GPC5: variants seen among roughly 807,000 people sequenced by gnomAD.
GPC5 encodes the protein glypican 5.
GPC5 carries 47 observed loss-of-function variants against 53.9 expected under a neutral mutation model. The observed-to-expected ratio is 0.87, with a 90% CI of 0.69 to 1.11. GPC5 has a LOEUF of 1.11. Ranked by LOEUF, GPC5 falls within the 50% of genes most tolerant of loss-of-function variation. The pLI is 0.00. For synonymous variants in GPC5, 286 were observed against 263.3 expected, an observed-to-expected ratio of 1.09 and a Z score of -0.84; for missense variants, 748 against 713.1, an observed-to-expected ratio of 1.05 and a Z score of -0.56.
intron 7 of GPC5, among the ~76,000 whole-genome samples, chr13:92,827,100 G>A (rs899333961): frequency 4.6e-5 from 7 of 152,036 alleles, no homozygotes; most frequent in Non-Finnish European, 7.4e-5. Context: ...AAAAGTCTTT[G>A]TAGATTTAAT....
At chr13:92,586,744 C>T (rs558749488) in intron 7 of GPC5, among the ~76,000 whole-genome samples, 5 of 152,140 alleles carry the variant, frequency 3.3e-5, no homozygotes, top group South Asian at 2.1e-4. Context: ...AGGAGAGAAA[C>T]GCAATTTCTC....
intron 1 of GPC5, among the ~76,000 whole-genome samples, chr13:91,445,523 C>T (rs914722468): frequency 2.6e-4 from 40 of 152,152 alleles, no homozygotes; most frequent in African/African-American, 9.2e-4. Context: ...CCCCCAGACT[C>T]GAGGGCAGTG....
intron 7 of GPC5, among the ~76,000 whole-genome samples, chr13:92,492,242 C>A (rs1311833433): frequency 1.3e-5 from 2 of 151,770 alleles, no homozygotes; most frequent in Non-Finnish European, 2.9e-5. Flanking sequence ...AAAATTAAGA[C>A]CATTTTGAAT....
chr13:92,682,181 C>T (rs1463486365), intron 7 of GPC5, among the ~76,000 whole-genome samples: 4 of 152,144 alleles, frequency 2.6e-5, no homozygotes, highest in African/African-American at 9.7e-5. Context: ...GTTTCCAGTT[C>T]CTATTCCTTT....
chr13:92,857,384 A>G (rs1207566521), intron 7 of GPC5, among the ~76,000 whole-genome samples: 1 of 152,180 alleles, frequency 6.6e-6, no homozygotes, highest in African/African-American at 2.4e-5. Flanking sequence ...AACATAGGAA[A>G]TACCCTTCTG....
chr13:92,810,544 AT>A (rs1244618358), intron 7 of GPC5, among the ~76,000 whole-genome samples: 1 of 151,746 alleles, frequency 6.6e-6, no homozygotes, highest in Admixed American at 6.6e-5. Flanking sequence ...GTTCCAAACC[AT>A]TTTTTACTGT....
chr13:91,847,088 G>A (rs1053409557), intron 5 of GPC5, among the ~76,000 whole-genome samples: 4 of 151,674 alleles, frequency 2.6e-5, no homozygotes, highest in Non-Finnish European at 2.9e-5. Flanking sequence ...GTGCGGTGGC[G>A]GGCACCTGTA....
chr13:92,226,111 C>G (rs1455066506), intron 7 of GPC5, among the ~76,000 whole-genome samples: 2 of 152,164 alleles, frequency 1.3e-5, no homozygotes, highest in African/African-American at 4.8e-5. Flanking sequence ...TGCTCTCTCT[C>G]TCCTGCCACA....
rs368333375 is a variant in GPC5 at position 92,144,941 on chromosome 13, G to C, written c.1513G>C (p.Gly505Arg). The change falls in exon 7 of 8, where the codon GGG becomes CGG. Residue 505 changes from glycine to arginine, a missense_variant. Transcript: ENST00000377067. ...GGACTGTGATGATGAAGATGGTTGCGGGGGATCAGGAAGTGGAGAAGTCAA... is the reference window on the plus strand; with the variant it reads ...GGACTGTGATGATGAAGATGGTTGCCGGGGATCAGGAAGTGGAGAAGTCAA... The part of the protein sequence containing the change: ...SGDCDDEDGC[G>R]GSGSGEVKRT... The C allele has an allele frequency of 5.7e-6, 9 of 1,583,380 alleles. No homozygotes were observed. The Admixed American group carries it at 1.7e-4, about 29-fold the overall frequency.
At chr13:92,828,124 C>A (rs1566435338) in intron 7 of GPC5, among the ~76,000 whole-genome samples, 1 of 152,100 alleles carries the variant, frequency 6.6e-6, no homozygotes, top group Non-Finnish European at 1.5e-5. Context: ...GCAGCACCAC[C>A]AAACCAGACT....
At chr13:91,405,218 A>G in intron 1 of GPC5, among the ~76,000 whole-genome samples, 1 of 152,162 alleles carries the variant, frequency 6.6e-6, no homozygotes, top group East Asian at 1.9e-4. Context: ...CCTGAGTGCC[A>G]TTGACATTGG....
chr13:92,149,592 A>C (rs2041892716), intron 7 of GPC5, among the ~76,000 whole-genome samples: 1 of 152,062 alleles, frequency 6.6e-6, no homozygotes, highest in Non-Finnish European at 1.5e-5. Flanking sequence ...AGGAAAGAGA[A>C]TAGTATATTC....
At chr13:91,698,802 A>G (rs1485441114) in intron 3 of GPC5, among the ~76,000 whole-genome samples, 1 of 152,234 alleles carries the variant, frequency 6.6e-6, no homozygotes, top group South Asian at 2.1e-4. Context: ...AGTCTAGTGC[A>G]GTGTGGGAGT....
At chr13:92,322,405 A>G (rs2043222299) in intron 7 of GPC5, among the ~76,000 whole-genome samples, 1 of 152,206 alleles carries the variant, frequency 6.6e-6, no homozygotes, top group African/African-American at 2.4e-5. Flanking sequence ...AAGAAAAGGT[A>G]GTATTTTTGA....
intron 2 of GPC5, among the ~76,000 whole-genome samples, chr13:91,568,126 A>T (rs901669471): frequency 6.6e-6 from 1 of 152,186 alleles, no homozygotes; most frequent in African/African-American, 2.4e-5. Flanking sequence ...ATGTGGAAGT[A>T]GTTTACTTTA....
chr13:92,234,175 G>A (rs2042552307), intron 7 of GPC5, among the ~76,000 whole-genome samples: 1 of 152,148 alleles, frequency 6.6e-6, no homozygotes, highest in Admixed American at 6.6e-5. Context: ...TATATACCCA[G>A]TAATGAGATT....
chr13:92,334,510 A>G (rs2043309229), intron 7 of GPC5, among the ~76,000 whole-genome samples: 1 of 152,094 alleles, frequency 6.6e-6, no homozygotes, highest in Admixed American at 6.6e-5. Context: ...TGTCCTTACA[A>G]TTAAAAACAC....
At chr13:91,453,394 G>A (rs888689298) in intron 2 of GPC5, among the ~76,000 whole-genome samples, 2 of 151,836 alleles carry the variant, frequency 1.3e-5, no homozygotes, top group Non-Finnish European at 2.9e-5. Context: ...TATAGCAAAA[G>A]ACACAGGATA....
chr13:92,410,852 T>C (rs991336044), intron 7 of GPC5, among the ~76,000 whole-genome samples: 4 of 152,246 alleles, frequency 2.6e-5, no homozygotes, highest in African/African-American at 9.6e-5. Flanking sequence ...TATAATAATT[T>C]TAAGAACTAC....
Sources: gnomAD v4.1 joint callset for allele counts (sites outside exome capture counted in the v4.1 genomes callset) on GRCh38, gnomAD v4.1.1 for gene constraint, MANE v1.5 for transcripts, NCBI Gene and HGNC (gene_info 2026-07-23, HGNC 2026-07-21) for gene names.